ZNF304: variants seen among roughly 807,000 people sequenced by gnomAD.
The protein encoded by ZNF304 is KRAB-containing zinc finger protein.
Under a neutral mutation model 7.8 loss-of-function variants are expected in ZNF304, and 7 were observed. The ratio of observed to expected loss-of-function variants is 0.90; its 90% confidence interval spans 0.51 to 1.69. The LOEUF is 1.69. Ranked by LOEUF, ZNF304 falls within the 40% of genes most tolerant of loss-of-function variation. The probability of loss-of-function intolerance (pLI) is 0.00; values close to 1 mark genes in which losing one functional copy is unlikely to be tolerated. For missense variants in ZNF304, 669 were observed against 804.8 expected, an observed-to-expected ratio of 0.83 and a Z score of 2.04; for synonymous variants, 280 against 272.4, an observed-to-expected ratio of 1.03 and a Z score of -0.27.
rs1188305165 is a variant in ZNF304 at position 57,358,219 on chromosome 19, G to A, written c.*370G>A. On this transcript the variant is annotated 3_prime_UTR_variant, in exon 3 of 3. Transcript: ENST00000282286. ...TTTCCTGTTCCCTACAGGTAATCAT[G>A]AATATTTTCAAGGACTTCCCCCCCC... 1 of 166,336 alleles carries A rather than the reference G, an allele frequency of 6.0e-6. No homozygotes were observed. The allele number at this position is 166,336 out of a possible 1,614,324, so 10.3% of individuals were successfully genotyped here.
At position 57,358,283 on chromosome 19, in the gene ZNF304, T is replaced by C. The variant is rs2088377671; in HGVS notation, c.*434T>C. 1 of 138,736 alleles carries C rather than the reference T, an allele frequency of 7.2e-6. No individual in the cohort carries two copies. The highest frequency in any genetic ancestry group is 7.3e-5 in the Admixed American group (1 of 13,772). The allele number at this position is 138,736 out of a possible 1,614,324, so 8.6% of individuals were successfully genotyped here. ...CCTACCATTGAGGGTCCTCATCTTT[T>C]CCCTCATGATTAGGTTCTGAGCAAA... On this transcript the variant is annotated 3_prime_UTR_variant, in exon 3 of 3. Coordinates refer to ENST00000282286, the MANE Select transcript of ZNF304 (RefSeq NM_020657.4).
chr19:57,351,553 C>A lies in ZNF304; in HGVS notation c.-112C>A. Reference sequence around the variant, plus strand: ...CGCCTTAGTCTTGTGAGCGTTTTTACACCGGGTAGATTGAGACTTGGAGTG... The same window carrying A: ...CGCCTTAGTCTTGTGAGCGTTTTTAAACCGGGTAGATTGAGACTTGGAGTG... On this transcript the variant is annotated 5_prime_UTR_variant, in exon 1 of 3. Coordinates refer to ENST00000282286, the MANE Select transcript of ZNF304 (RefSeq NM_020657.4). The surrounding 1 kb of genome is among the most constrained non-coding windows in gnomAD (Gnocchi z 4.1). The A allele has an allele frequency of 7.3e-7, 1 of 1,366,958 alleles. No homozygotes were observed. Among genetic ancestry groups the A allele is most frequent in the Non-Finnish European group, 1.0e-6 (1 of 969,052 alleles). The allele number at this position is 1,366,958 out of a possible 1,614,324, so 84.7% of individuals were successfully genotyped here.
chr19:57,352,401 G>A (rs1241101124), intron 1 of ZNF304, among the ~76,000 whole-genome samples: 2 of 152,146 alleles, frequency 1.3e-5, no homozygotes, highest in Non-Finnish European at 2.9e-5. Flanking sequence ...CCCACCTGGC[G>A]ACCAATGGGA....
intron 2 of ZNF304, 88 bp downstream of exon 2, chr19:57,353,939 C>A: frequency 9.3e-7 from 1 of 1,070,522 alleles, no homozygotes; most frequent in Non-Finnish European, 1.3e-6. Context: ...ATTATCTCTC[C>A]AGTTTCAGTG....
rs1479668745 is a variant in ZNF304, at chr19:57,357,311, G to C, written c.1442G>C (p.Gly481Ala). 1.9e-6 allele frequency: 3 copies of C among 1,614,048 alleles called. No homozygotes were observed. Among genetic ancestry groups the C allele is most frequent in the Non-Finnish European group, 2.5e-6 (3 of 1,180,042 alleles). ...GARPYECSEC[G>A]KAFSRKDTLV... Reference sequence around the variant, plus strand: ...AGGCCTTATGAGTGCAGTGAATGTGGGAAGGCCTTCAGCCGTAAAGACACA... The same window carrying C: ...AGGCCTTATGAGTGCAGTGAATGTGCGAAGGCCTTCAGCCGTAAAGACACA... Residue 481 changes from glycine (G) to alanine (A), a missense_variant, in exon 3 of 3, where the codon GGG becomes GCG. Transcript: ENST00000282286.
In ZNF304 at chr19:57,357,111, C is replaced by T. The variant is rs369163918; in HGVS notation, c.1242C>T (p.Thr414=). Residue 414 remains threonine, a synonymous_variant, in exon 3 of 3, where the codon ACC becomes ACT. Coordinates refer to ENST00000282286, the MANE Select transcript of ZNF304 (RefSeq NM_020657.4). ...SHLIEHWRIH[T]GARPYECIEC... ...TTATTGAGCACTGGAGAATTCATACCGGGGCAAGGCCCTATGAATGCATAG... is the reference window on the plus strand; with the variant it reads ...TTATTGAGCACTGGAGAATTCATACTGGGGCAAGGCCCTATGAATGCATAG... 4.0e-5 allele frequency: 64 copies of T among 1,610,170 alleles called. No homozygotes were observed. The Middle Eastern group carries it at 5.0e-4, about 13-fold the overall frequency.
In ZNF304 at chr19:57,356,113, T is replaced by C; in HGVS notation, c.244T>C (p.Ser82Pro). Residue 82 changes from serine (S) to proline (P), a missense_variant, in exon 3 of 3, where the codon TCA becomes CCA. Transcript: ENST00000282286. ...AGTGTCACAGGTCAGGACTGCTGAG[T>C]CAGGTCTTTTCCAGAAAGCACACCC... is the stretch of plus-strand genomic sequence containing the variant. ...EGVSQVRTAE[S>P]GLFQKAHPCE... 1 of 1,614,192 alleles carries C rather than the reference T, an allele frequency of 6.2e-7. No individual in the cohort carries two copies. Among genetic ancestry groups the C allele is most frequent in the South Asian group, 1.1e-5 (1 of 91,084 alleles).
At chr19:57,355,389 T>C (rs747792886) in intron 2 of ZNF304, 1 of 764,496 alleles carries the variant, frequency 1.3e-6, no homozygotes, top group South Asian at 1.3e-5. Context: ...GGCATGGCCC[T>C]GCTGAATGGG....
chr19:57,357,066 C>T lies in ZNF304; in HGVS notation c.1197C>T (p.Phe399=). 6.2e-7 allele frequency: 1 copy of T among 1,613,990 alleles called. No homozygotes were observed. The highest frequency in any genetic ancestry group is 1.1e-5 in the South Asian group (1 of 91,074). ...ATGAGTGCAGTGAATGTGGAAAATT[C>T]TTTAGCCAAAGCTCCCACCTTATTG... ...RPYECSECGK[F]FSQSSHLIEH... is the part of the protein sequence containing the mutation. The change falls in exon 3 of 3, where the codon TTC becomes TTT. Residue 399 remains phenylalanine, a synonymous_variant. Coordinates refer to ENST00000282286, the MANE Select transcript of ZNF304 (RefSeq NM_020657.4).
At position 57,357,840 on chromosome 19, in the gene ZNF304, A is replaced by C. The variant is rs1271904811; in HGVS notation, c.1971A>C (p.Lys657Asn). The change falls in exon 3 of 3, where the codon AAA (lysine) becomes AAC (asparagine). Residue 657 changes from lysine to asparagine, a missense_variant. By Grantham distance (94) the Lys-to-Asn change is moderately conservative. Coordinates refer to ENST00000282286, the MANE Select transcript of ZNF304 (RefSeq NM_020657.4). ...GTGGCCCTTTAGCTGCATCTCTTAA[A>C]CTTGTTTAACACCAGAAAATTCACA... ...SFGGPLAASL[K>N]LV 1.3e-6 allele frequency: 2 copies of C among 1,588,898 alleles called. No homozygotes were observed. The highest frequency in any genetic ancestry group is 1.7e-6 in the Non-Finnish European group (2 of 1,171,078).
At chr19:57,355,287 C>G in intron 2 of ZNF304, 1 of 765,254 alleles carries the variant, frequency 1.3e-6, no homozygotes, top group South Asian at 1.3e-5. Context: ...TTTTCCCAGT[C>G]CCATGCAGTT....
At chr19:57,352,840 T>G (rs1481905112) in intron 1 of ZNF304, 1 of 152,180 alleles carries the variant, frequency 6.6e-6, no homozygotes, top group Non-Finnish European at 1.5e-5. Context: ...AAGGTTGGTT[T>G]GTTTTTGCTG....
rs757706238 is a variant in ZNF304, at chr19:57,356,114, C to T, written c.245C>T (p.Ser82Leu). 2.5e-6 allele frequency: 4 copies of T among 1,614,208 alleles called. No individual in the cohort carries two copies. In the East Asian group the frequency reaches 8.9e-5, roughly 36 times the overall value. The part of the protein sequence containing the change: ...EGVSQVRTAE[S>L]GLFQKAHPCE... ...GTGTCACAGGTCAGGACTGCTGAGTCAGGTCTTTTCCAGAAAGCACACCCA... is the reference window on the plus strand; with the variant it reads ...GTGTCACAGGTCAGGACTGCTGAGTTAGGTCTTTTCCAGAAAGCACACCCA... Residue 82 changes from serine to leucine, a missense_variant, in exon 3 of 3, where the codon TCA becomes TTA. Coordinates refer to ENST00000282286, the MANE Select transcript of ZNF304 (RefSeq NM_020657.4).
rs1048787625 is a variant in ZNF304 at position 57,359,412 on chromosome 19, T to A, written c.*1563T>A. 9 of 152,218 alleles carry A rather than the reference T, an allele frequency of 5.9e-5. No individual in the cohort carries two copies. The highest frequency in any genetic ancestry group is 4.4e-5 in the Non-Finnish European group (3 of 68,046). The allele number at this position is 152,218 out of a possible 1,614,324, so 9.4% of individuals were successfully genotyped here. A position where few individuals can be genotyped will look rare whatever the true frequency, so the allele number is the denominator to read the frequency against. On this transcript the variant is annotated 3_prime_UTR_variant, in exon 3 of 3. Transcript: ENST00000282286. Reference sequence around the variant, plus strand: ...AACTTTCCTAGTGGAACAGTATATATAGATTTTAATGAGGAACATTTATTT... The same window carrying A: ...AACTTTCCTAGTGGAACAGTATATAAAGATTTTAATGAGGAACATTTATTT...
rs1038526255 is a variant in ZNF304 at position 57,358,643 on chromosome 19, T to C, written c.*794T>C. 1 of 152,234 alleles carries C rather than the reference T, an allele frequency of 6.6e-6. No individual in the cohort carries two copies. Among genetic ancestry groups the C allele is most frequent in the African/African-American group, 2.4e-5 (1 of 41,454 alleles). The allele number at this position is 152,234 out of a possible 1,614,324, so 9.4% of individuals were successfully genotyped here. A position where few individuals can be genotyped will look rare whatever the true frequency, so the allele number is the denominator to read the frequency against. On this transcript the variant is annotated 3_prime_UTR_variant, in exon 3 of 3. Coordinates refer to ENST00000282286, the MANE Select transcript of ZNF304 (RefSeq NM_020657.4). ...GGGACCAAAGGATGGCAGAAAACTGTTCTCAGTCTAGTTTGACCTAATTTA... is the reference window on the plus strand; with the variant it reads ...GGGACCAAAGGATGGCAGAAAACTGCTCTCAGTCTAGTTTGACCTAATTTA...
rs2088337982 is a variant in ZNF304, at chr19:57,356,289, T to C, written c.420T>C (p.Asn140=). ...ANFYQHQKQH[N]GENCFRGDDG... is the part of the protein sequence containing the mutation. ...TTTACCAGCACCAGAAGCAACATAA[T>C]GGAGAGAATTGCTTCAGAGGGGATG... Residue 140 remains asparagine (N), a synonymous_variant, in exon 3 of 3, where the codon AAT becomes AAC. Transcript: ENST00000282286. 1 of 1,614,116 alleles carries C rather than the reference T, an allele frequency of 6.2e-7. No individual in the cohort carries two copies. Among genetic ancestry groups the C allele is most frequent in the Non-Finnish European group, 8.5e-7 (1 of 1,180,020 alleles).
chr19:57,353,609 T>C, intron 1 of ZNF304, 116 bp from the exon 2 acceptor site: 2 of 1,407,076 alleles, frequency 1.4e-6, no homozygotes, highest in Non-Finnish European at 1.9e-6. Context: ...CTCCTCTTAG[T>C]TGGGAGGCTG....
chr19:57,351,561 A>T lies in ZNF304; in HGVS notation c.-104A>T. The T allele has an allele frequency of 7.2e-7, 1 of 1,390,330 alleles. No homozygotes were observed. The highest frequency in any genetic ancestry group is 1.0e-6 in the Non-Finnish European group (1 of 987,300). The allele number at this position is 1,390,330 out of a possible 1,614,324, so 86.1% of individuals were successfully genotyped here. On this transcript the variant is annotated 5_prime_UTR_variant, in exon 1 of 3. Transcript: ENST00000282286. This position sits in a 1 kb window ranked among gnomAD's most constrained non-coding sequence, Gnocchi z 4.1. ...TCTTGTGAGCGTTTTTACACCGGGT[A>T]GATTGAGACTTGGAGTGCTACACTC...
chr19:57,352,274 C>T (rs919616018), intron 1 of ZNF304, among the ~76,000 whole-genome samples: 4 of 152,112 alleles, frequency 2.6e-5, no homozygotes, highest in African/African-American at 9.7e-5. Context: ...GTGATGATAT[C>T]CTGGGATTCT....
Sources: gnomAD v4.1 joint callset for allele counts (sites outside exome capture counted in the v4.1 genomes callset) on GRCh38, gnomAD v4.1.1 for gene constraint, Gnocchi (gnomAD v3.1) non-coding constraint, MANE v1.5 for transcripts, NCBI Gene and HGNC (gene_info 2026-07-23, HGNC 2026-07-21) for gene names.